The following RARB variants were observed in gnomAD, a reference collection of about 807,000 sequenced individuals.
The protein encoded by RARB is HBV-activated protein.
A neutral mutation model predicts 51.9 loss-of-function variants in RARB; 17 were observed. That is an observed-to-expected ratio of 0.33 (90% CI 0.22 to 0.49). RARB has a LOEUF of 0.49. RARB is among the 20% of genes least tolerant of loss of function. The pLI is 0.99. For missense variants in RARB, 369 were observed against 550.8 expected, an observed-to-expected ratio of 0.67 and a Z score of 3.30; for synonymous variants, 215 against 195.4, an observed-to-expected ratio of 1.10 and a Z score of -0.84.
chr3:25,465,505 C>T (rs1339877252), intron 2 of RARB, among the ~76,000 whole-genome samples: 1 of 152,172 alleles, frequency 6.6e-6, no homozygotes, highest in Admixed American at 6.5e-5. Context: ...CCAGGATGAC[C>T]TAATTGACTA....
At chr3:25,433,578 C>A (rs188851397) in intron 1 of RARB, among the ~76,000 whole-genome samples, 45 of 152,162 alleles carry the variant, frequency 3.0e-4, no homozygotes, top group Non-Finnish European at 5.3e-4. Flanking sequence ...TCAGCCCTTG[C>A]CAGCTTCCTC....
chr3:25,210,860 G>A (rs997713801), intron 5 of RARB, among the ~76,000 whole-genome samples: 3 of 151,828 alleles, frequency 2.0e-5, no homozygotes, highest in African/African-American at 4.8e-5. Flanking sequence ...ACAGGAAAAC[G>A]TTTACTGACT....
intron 5 of RARB, among the ~76,000 whole-genome samples, chr3:25,358,660 C>T (rs1249496009): frequency 1.3e-5 from 2 of 152,070 alleles, no homozygotes; most frequent in African/African-American, 4.8e-5. Context: ...TCCATCAATA[C>T]CTAGTTTATT....
rs1708079613 is a variant in RARB at position 25,428,701 on chromosome 3, A to G, written c.-31A>G. ...TTGCCTCCACACCTAGAGGATAAGC[A>G]CTTTTGCAGACATTCAGTGCAAGGG... On this transcript the variant is annotated 5_prime_UTR_variant, in exon 1 of 8. Coordinates refer to ENST00000330688, the MANE Select transcript of RARB (RefSeq NM_000965.5). The G allele has an allele frequency of 1.3e-6, 2 of 1,589,124 alleles. No homozygotes were observed. The highest frequency in any genetic ancestry group is 2.7e-5 in the African/African-American group (2 of 74,532).
chr3:25,579,790 C>G (rs1484637779), intron 4 of RARB, among the ~76,000 whole-genome samples: 2 of 152,166 alleles, frequency 1.3e-5, no homozygotes, highest in African/African-American at 2.4e-5. Context: ...CCCTGGATTT[C>G]CTGAGGTTAT....
intron 3 of RARB, among the ~76,000 whole-genome samples, chr3:25,100,442 T>A (rs920115590): frequency 3.3e-5 from 5 of 152,250 alleles, no homozygotes; most frequent in African/African-American, 1.2e-4. Flanking sequence ...TTTAAACATA[T>A]GTATTTGAAG....
chr3:25,447,439 T>C (rs1182962406), intron 1 of RARB, among the ~76,000 whole-genome samples: 1 of 152,208 alleles, frequency 6.6e-6, no homozygotes, highest in East Asian at 1.9e-4. Context: ...CAGGAGATAG[T>C]GTATTCTAAC....
intron 2 of RARB, among the ~76,000 whole-genome samples, chr3:24,979,840 C>G (rs1451766974): frequency 6.6e-6 from 1 of 151,942 alleles, no homozygotes; most frequent in East Asian, 1.9e-4. Context: ...TTATTTCACC[C>G]GTTAATTGAT....
chr3:25,342,884 A>G (rs1209817664), intron 5 of RARB, among the ~76,000 whole-genome samples: 1 of 152,126 alleles, frequency 6.6e-6, no homozygotes, highest in African/African-American at 2.4e-5. Flanking sequence ...GTAGCCTTGA[A>G]AGATTTGTGA....
intron 5 of RARB, among the ~76,000 whole-genome samples, chr3:25,351,671 C>T (rs1705574738): frequency 6.6e-6 from 1 of 152,150 alleles, no homozygotes; most frequent in Non-Finnish European, 1.5e-5. Context: ...TTTGAAAAAG[C>T]ATTTTAAATA....
chr3:25,419,442 C>T (rs2125505838), intron 5 of RARB, among the ~76,000 whole-genome samples: 1 of 152,192 alleles, frequency 6.6e-6, no homozygotes, highest in South Asian at 2.1e-4. Flanking sequence ...AGACAGGAAG[C>T]CCAAACTTGG....
chr3:25,165,022 G>C (rs931401280), intron 4 of RARB, among the ~76,000 whole-genome samples: 4 of 152,074 alleles, frequency 2.6e-5, no homozygotes, highest in African/African-American at 9.7e-5. Flanking sequence ...CTTCTAAAAG[G>C]GGCAGTTAAG....
At chr3:25,253,874 C>T (rs772336697) in intron 5 of RARB, among the ~76,000 whole-genome samples, 3 of 152,074 alleles carry the variant, frequency 2.0e-5, no homozygotes, top group South Asian at 4.1e-4. Flanking sequence ...TAGCTTAAAA[C>T]GATAACTTGT....
chr3:25,078,612 T>C (rs9809916), intron 3 of RARB, among the ~76,000 whole-genome samples: 134,376 of 151,224 alleles, frequency 0.89, 60,052 homozygotes, highest in African/African-American at 0.97. Context: ...TCTCAGCTCA[T>C]CACAACCTCC....
intron 2 of RARB, among the ~76,000 whole-genome samples, chr3:25,493,290 T>C (rs1696839498): frequency 1.3e-5 from 2 of 152,228 alleles, no homozygotes; most frequent in African/African-American, 4.8e-5. Context: ...AATTTTGCTA[T>C]GAATAACTTC....
intron 2 of RARB, among the ~76,000 whole-genome samples, chr3:24,949,336 A>G (rs1161009075): frequency 1.3e-5 from 2 of 152,078 alleles, no homozygotes; most frequent in Non-Finnish European, 2.9e-5. Flanking sequence ...CTGAGACAGG[A>G]AAAAATATAA....
chr3:25,060,442 C>T (rs1698526031), intron 3 of RARB, among the ~76,000 whole-genome samples: 2 of 151,744 alleles, frequency 1.3e-5, no homozygotes, highest in Admixed American at 1.3e-4. Flanking sequence ...CAGAGGGTTG[C>T]AAACTATAAG....
At chr3:25,350,212 G>T (rs1327225314) in intron 5 of RARB, among the ~76,000 whole-genome samples, 2 of 152,116 alleles carry the variant, frequency 1.3e-5, no homozygotes, top group Non-Finnish European at 2.9e-5. Context: ...AGACACAGGG[G>T]CATGGACACC....
intron 3 of RARB, among the ~76,000 whole-genome samples, chr3:25,537,118 A>C (rs1047066210): frequency 3.3e-5 from 5 of 152,162 alleles, no homozygotes; most frequent in African/African-American, 1.2e-4. Context: ...GTGGTTTGGA[A>C]CTGAGTCAAG....
Sources: gnomAD v4.1 joint callset for allele counts (sites outside exome capture counted in the v4.1 genomes callset) on GRCh38, gnomAD v4.1.1 for gene constraint, MANE v1.5 for transcripts, NCBI Gene and HGNC (gene_info 2026-07-23, HGNC 2026-07-21) for gene names.